Variants in PKNOX2 observed in about 807,000 individuals in gnomAD.
PKNOX2 encodes the protein PBX/knotted 1 homeobox 2.
A neutral mutation model predicts 53.1 loss-of-function variants in PKNOX2; 14 were observed. The observed-to-expected ratio is 0.26, with a 90% CI of 0.17 to 0.41. PKNOX2 has a LOEUF of 0.41. PKNOX2 is among the 10% of genes least tolerant of loss of function. PKNOX2 has a pLI of 1.00. For synonymous variants in PKNOX2, 257 were observed against 242.8 expected, an observed-to-expected ratio of 1.06 and a Z score of -0.54; for missense variants, 496 against 602.8, an observed-to-expected ratio of 0.82 and a Z score of 1.85.
intron 5 of PKNOX2, among the ~76,000 whole-genome samples, chr11:125,377,357 T>C (rs1952903306): frequency 6.6e-6 from 1 of 152,140 alleles, no homozygotes; most frequent in African/African-American, 2.4e-5. Context: ...GAGGAGGCGA[T>C]GGTTTCTCTT....
chr11:125,289,928 T>C (rs904990862), intron 2 of PKNOX2, among the ~76,000 whole-genome samples: 1 of 151,478 alleles, frequency 6.6e-6, no homozygotes, highest in African/African-American at 2.5e-5. Context: ...GCACCAGCCC[T>C]TGAGGGCTGG....
intron 11 of PKNOX2, 32 bp downstream of exon 11, chr11:125,429,120 A>T (rs758733031): frequency 1.9e-6 from 3 of 1,565,342 alleles, no homozygotes; most frequent in Non-Finnish European, 8.8e-7. Flanking sequence ...GCAGGCTCCC[A>T]GATCCAGGGG....
chr11:125,334,223 T>C (rs1341353790), intron 3 of PKNOX2, among the ~76,000 whole-genome samples: 1 of 152,168 alleles, frequency 6.6e-6, no homozygotes, highest in Non-Finnish European at 1.5e-5. Context: ...CCTGGTACTG[T>C]AGGAACTCTG....
chr11:125,351,541 C>G, intron 4 of PKNOX2, 149 bp downstream of exon 4: 1 of 623,682 alleles, frequency 1.6e-6, no homozygotes, highest in Non-Finnish European at 2.8e-6. Flanking sequence ...GGCTCTTTCC[C>G]GTCAGCCTGG....
At chr11:125,337,874 C>A (rs758081598) in intron 3 of PKNOX2, among the ~76,000 whole-genome samples, 12 of 152,180 alleles carry the variant, frequency 7.9e-5, no homozygotes, top group Non-Finnish European at 1.5e-4. Context: ...TGGACTTGGG[C>A]AAGTTTCCTT....
At chr11:125,320,033 C>T (rs547035790) in intron 2 of PKNOX2, among the ~76,000 whole-genome samples, 6 of 152,252 alleles carry the variant, frequency 3.9e-5, no homozygotes, top group Admixed American at 2.0e-4. Flanking sequence ...GTATTTGCAC[C>T]TTCAAAAAGA....
chr11:125,369,071 C>T (rs1413047312), intron 5 of PKNOX2, among the ~76,000 whole-genome samples: 2 of 152,220 alleles, frequency 1.3e-5, no homozygotes, highest in African/African-American at 2.4e-5. Flanking sequence ...CCCCACCACC[C>T]CAATGACGGT....
At chr11:125,236,623 C>T (rs79877935) in intron 2 of PKNOX2, among the ~76,000 whole-genome samples, 2 of 152,234 alleles carry the variant, frequency 1.3e-5, no homozygotes, top group African/African-American at 4.8e-5. Context: ...CTGGCAGGGA[C>T]ACAGCCTTGG....
intron 4 of PKNOX2, among the ~76,000 whole-genome samples, chr11:125,359,240 G>A (rs540903221): frequency 2.1e-4 from 31 of 150,654 alleles, no homozygotes; most frequent in Middle Eastern, 6.8e-3. Flanking sequence ...CTGCGGATCC[G>A]TGAGCAGCTT....
intron 7 of PKNOX2, among the ~76,000 whole-genome samples, chr11:125,401,030 C>T (rs2135476796): frequency 6.6e-6 from 1 of 151,116 alleles, no homozygotes; most frequent in Non-Finnish European, 1.5e-5. Flanking sequence ...AGAAAGATGG[C>T]CGGGAAGTAT....
chr11:125,417,725 C>T (rs1344493886), intron 10 of PKNOX2, among the ~76,000 whole-genome samples: 3 of 152,018 alleles, frequency 2.0e-5, no homozygotes, highest in African/African-American at 4.8e-5. Flanking sequence ...CGTGGAGCCC[C>T]GTCCTGGGAG....
Position 125,166,101 on chromosome 11 carries a change from C to T in PKNOX2, c.-201+1325C>T, listed in dbSNP as rs1488097517. The stretch of plus-strand genomic sequence containing the variant: ...CGGTTTATAGGATCCAGACTGTTTA[C>T]GGAATCGGGATCGAGGGGCCGATAA... On this transcript the variant is annotated intron_variant, in intron 1 of 12. Coordinates refer to ENST00000298282, the MANE Select transcript of PKNOX2 (RefSeq NM_001382323.2). The surrounding 1 kb of genome is among the most constrained non-coding windows in gnomAD (Gnocchi z 4.0). 6.6e-6 allele frequency among the ~76,000 whole-genome samples: 1 copy of T among 152,036 alleles called. No homozygotes were observed. The highest frequency in any genetic ancestry group is 2.4e-5 in the African/African-American group (1 of 41,378).
intron 5 of PKNOX2, among the ~76,000 whole-genome samples, chr11:125,368,492 G>T (rs1952316893): frequency 6.6e-6 from 1 of 152,238 alleles, no homozygotes; most frequent in African/African-American, 2.4e-5. Context: ...GCTATAGGAA[G>T]AGGGATAGGC....
chr11:125,369,757 ACCTGG>A (rs1382872685), intron 5 of PKNOX2, among the ~76,000 whole-genome samples: 1 of 152,126 alleles, frequency 6.6e-6, no homozygotes, highest in African/African-American at 2.4e-5. Flanking sequence ...CCTGTAATTA[ACCTGG>A]GCAAGGTGCA....
At chr11:125,311,136 T>G (rs145263177) in intron 2 of PKNOX2, among the ~76,000 whole-genome samples, 5 of 152,194 alleles carry the variant, frequency 3.3e-5, no homozygotes, top group Non-Finnish European at 7.3e-5. Context: ...CTTTTTACTC[T>G]TCCATGCCTT....
Position 125,357,768 on chromosome 11 carries a change from T to C in PKNOX2, c.87+6376T>C, listed in dbSNP as rs112995558. On this transcript the variant is annotated intron_variant, in intron 4 of 12. Coordinates refer to ENST00000298282, the MANE Select transcript of PKNOX2 (RefSeq NM_001382323.2). ...GGTCTGAAGAGGAGGATGGAATGAC[T>C]CAATCTCGTAGAAATTCAGCAATCA... Among the ~76,000 whole-genome samples, 1,396 of 152,284 alleles carry C rather than the reference T, an allele frequency of 9.2e-3. 22 individuals carry two copies. The highest frequency in any genetic ancestry group is 0.03 in the African/African-American group (1,248 of 41,552).
chr11:125,320,223 G>A (rs938185480), intron 2 of PKNOX2, among the ~76,000 whole-genome samples: 3 of 152,114 alleles, frequency 2.0e-5, no homozygotes, highest in African/African-American at 7.2e-5. Flanking sequence ...GTCTAAAGTG[G>A]GAATCTAGGA....
chr11:125,241,330 T>C lies in PKNOX2; in HGVS notation c.-130+6215T>C, dbSNP rs138672654. 3.4e-3 allele frequency among the ~76,000 whole-genome samples: 517 copies of C among 152,328 alleles called. 2 individuals carry two copies. The highest frequency in any genetic ancestry group is 0.012 in the African/African-American group (480 of 41,576). Reference sequence around the variant, plus strand: ...TTGCACATGCTGCTTATCTGGACTATCCTCAGCCTGGGCGGCCCTTGCTCA... The same window carrying C: ...TTGCACATGCTGCTTATCTGGACTACCCTCAGCCTGGGCGGCCCTTGCTCA... On this transcript the variant is annotated intron_variant, in intron 2 of 12. Coordinates refer to ENST00000298282, the MANE Select transcript of PKNOX2 (RefSeq NM_001382323.2).
intron 4 of PKNOX2, among the ~76,000 whole-genome samples, chr11:125,364,122 C>T (rs900447602): frequency 1.3e-5 from 2 of 152,226 alleles, no homozygotes; most frequent in African/African-American, 4.8e-5. Context: ...TTACTTCAAG[C>T]TATCCCCATC....
Sources: gnomAD v4.1 joint callset for allele counts (sites outside exome capture counted in the v4.1 genomes callset) on GRCh38, gnomAD v4.1.1 for gene constraint, Gnocchi (gnomAD v3.1) non-coding constraint, MANE v1.5 for transcripts, NCBI Gene and HGNC (gene_info 2026-07-23, HGNC 2026-07-21) for gene names.